FAM227B: variants seen among roughly 807,000 people sequenced by gnomAD.
FAM227B encodes protein FAM227B.
In FAM227B, 88 loss-of-function variants were observed where a neutral mutation model predicts 73.8. That is an observed-to-expected ratio of 1.19 (90% CI 1.00 to 1.42). FAM227B has a LOEUF of 1.42. Ranked by LOEUF, FAM227B falls within the 40% of genes most tolerant of loss-of-function variation. The pLI, the probability that FAM227B is intolerant of heterozygous loss-of-function variation, is 0.00. For missense variants in FAM227B, 632 were observed against 590.9 expected (o/e 1.07, Z -0.72); for synonymous variants, 210 against 190.5 (o/e 1.10, Z -0.84).
Position 49,495,702 on chromosome 15 carries a change from G to T in FAM227B, c.1012+12509C>A, listed in dbSNP as rs557084089. ...TTATTATCCCTGAGCATTGCTAATA[G>T]TGAAGAGGTAGCAAAATTAGAGGTG... On this transcript the variant is annotated intron_variant, in intron 11 of 15. Transcript: ENST00000299338. 5.8e-3 allele frequency among the ~76,000 whole-genome samples: 890 copies of T among 152,164 alleles called. 8 individuals are homozygous for T. Among genetic ancestry groups the T allele is most frequent in the Non-Finnish European group, 9.9e-3 (673 of 68,002 alleles).
At chr15:49,488,418 T>A (rs1454685651) in intron 11 of FAM227B, 2 of 151,952 alleles carry the variant, frequency 1.3e-5, no homozygotes, top group Admixed American at 6.6e-5. Context: ...TCTCTTGAGT[T>A]GAAAAACTTG....
At chr15:49,555,126 T>C (rs545107976) in intron 9 of FAM227B, among the ~76,000 whole-genome samples, 1 of 152,366 alleles carries the variant, frequency 6.6e-6, no homozygotes, top group African/African-American at 2.4e-5. Context: ...ATTGTGTTTT[T>C]AGCTGGTTAT....
At chr15:49,396,249 A>C (rs1002342378) in intron 11 of FAM227B, 1 of 379,644 alleles carries the variant, frequency 2.6e-6, no homozygotes, top group Non-Finnish European at 5.1e-6. Context: ...GGCACCTGGA[A>C]AATCGTGTCA....
chr15:49,382,042 A>C (rs2046569585), intron 11 of FAM227B, among the ~76,000 whole-genome samples: 1 of 152,128 alleles, frequency 6.6e-6, no homozygotes, highest in African/African-American at 2.4e-5. Context: ...AAAATTATGA[A>C]GGTATAAGTT....
intron 11 of FAM227B, chr15:49,483,215 C>T (rs751960683): frequency 1.1e-4 from 175 of 1,590,036 alleles, no homozygotes; most frequent in Non-Finnish European, 1.4e-4. Flanking sequence ...AAAGTGAATT[C>T]TATCTTGCAA....
intron 2 of FAM227B, 112 bp downstream of exon 2, chr15:49,615,009 C>T (rs1394570079): frequency 1.1e-6 from 1 of 935,660 alleles, no homozygotes; most frequent in African/African-American, 1.6e-5. Context: ...CTAGACCAAA[C>T]CCTTGGTGTT....
chr15:49,373,920 AAG>A (rs2045997695), intron 11 of FAM227B, among the ~76,000 whole-genome samples: 1 of 152,222 alleles, frequency 6.6e-6, no homozygotes, highest in African/African-American at 2.4e-5. Context: ...TACTCTCAGA[AAG>A]AGACTTTTAA....
intron 11 of FAM227B, among the ~76,000 whole-genome samples, chr15:49,416,772 GACACACACAC>G (rs5812484): frequency 6.0e-5 from 9 of 149,916 alleles, no homozygotes; most frequent in East Asian, 4.0e-4. Context: ...CACACACATA[GACACACACAC>G]ACACACACAC....
Position 49,328,445 on chromosome 15 carries a change from G to T in FAM227B, c.*123C>A. The T allele has an allele frequency of 6.9e-7, 1 of 1,459,608 alleles. No homozygotes were observed. The highest frequency in any genetic ancestry group is 2.4e-5 in the East Asian group (1 of 42,490). The allele number at this position is 1,459,608 out of a possible 1,614,324, so 90.4% of individuals were successfully genotyped here. A position where few individuals can be genotyped will look rare whatever the true frequency, so the allele number is the denominator to read the frequency against. On this transcript the variant is annotated 3_prime_UTR_variant, in exon 16 of 16. Transcript: ENST00000299338. ...TGATTTGAAGATTTTAAAGATGAAT[G>T]GTAAAACACACTCTTAATACTGATT...
At position 49,422,163 on chromosome 15, in the gene FAM227B, TGCGCGCGCGCGCGCGTGCACGC is replaced by T. The variant is rs1176798023; in HGVS notation, c.1013-50786_1013-50765del. ...GAGAGAGAGTGTGTGTGTGTGTGTGTGCGCGCGCGCGCGCGTGCACGCGTGTGTGTTTTGAGGAGTATATAAC... is the reference window on the plus strand; with the variant it reads ...GAGAGAGAGTGTGTGTGTGTGTGTGTGTGTGTGTTTTGAGGAGTATATAAC... On this transcript the variant is annotated intron_variant, in intron 11 of 15. Coordinates refer to ENST00000299338, the MANE Select transcript of FAM227B (RefSeq NM_152647.3). 8.7e-4 allele frequency among the ~76,000 whole-genome samples: 129 copies of T among 147,602 alleles called. 5 individuals carry two copies. In the South Asian group the frequency reaches 0.024, roughly 27 times the overall value.
intron 2 of FAM227B, 93 bp from the exon 3 acceptor site, chr15:49,611,361 T>A: frequency 1.5e-6 from 1 of 645,856 alleles, no homozygotes; most frequent in Non-Finnish European, 2.6e-6. Context: ...AATGATACTC[T>A]ATTTATCATT....
At chr15:49,481,522 T>G (rs1367878393) in intron 11 of FAM227B, among the ~76,000 whole-genome samples, 1 of 152,210 alleles carries the variant, frequency 6.6e-6, no homozygotes, top group East Asian at 1.9e-4. Context: ...GAACGTTACA[T>G]GAATGCATCA....
At chr15:49,349,973 T>C (rs1246523303) in intron 13 of FAM227B, among the ~76,000 whole-genome samples, 1 of 152,194 alleles carries the variant, frequency 6.6e-6, no homozygotes, top group East Asian at 1.9e-4. Context: ...TTAACTTTGT[T>C]GGTAACTTTG....
chr15:49,499,947 T>G (rs2058003576), intron 11 of FAM227B, among the ~76,000 whole-genome samples: 1 of 152,224 alleles, frequency 6.6e-6, no homozygotes, highest in African/African-American at 2.4e-5. Flanking sequence ...TTCACAAATA[T>G]TATTAAATAG....
At chr15:49,520,099 G>A (rs1265604880) in intron 10 of FAM227B, among the ~76,000 whole-genome samples, 1 of 152,096 alleles carries the variant, frequency 6.6e-6, no homozygotes, top group East Asian at 1.9e-4. Flanking sequence ...TCTAAGGTAG[G>A]GGGAAAATGC....
chr15:49,546,006 G>A (rs1388924677), intron 9 of FAM227B, among the ~76,000 whole-genome samples: 4 of 149,712 alleles, frequency 2.7e-5, no homozygotes, highest in Admixed American at 6.7e-5. Flanking sequence ...TGTGCACAAC[G>A]TGCAGGTTTG....
intron 10 of FAM227B, among the ~76,000 whole-genome samples, chr15:49,536,824 G>A (rs2070344832): frequency 6.6e-6 from 1 of 151,888 alleles, no homozygotes; most frequent in African/African-American, 2.4e-5. Context: ...GGAAAAGATA[G>A]TTTTTTCAAT....
chr15:49,495,542 G>A (rs2057524057), intron 11 of FAM227B, among the ~76,000 whole-genome samples: 1 of 151,972 alleles, frequency 6.6e-6, no homozygotes, highest in African/African-American at 2.4e-5. Context: ...CATATTTCTG[G>A]GGTTTCCTCA....
At chr15:49,497,479 T>C (rs2057726030) in intron 11 of FAM227B, among the ~76,000 whole-genome samples, 1 of 152,186 alleles carries the variant, frequency 6.6e-6, no homozygotes, top group African/African-American at 2.4e-5. Context: ...CGTCAATCCA[T>C]ACCCTGCTCT....
Sources: gnomAD v4.1 joint callset for allele counts (sites outside exome capture counted in the v4.1 genomes callset) on GRCh38, gnomAD v4.1.1 for gene constraint, MANE v1.5 for transcripts, NCBI Gene and HGNC (gene_info 2026-07-23, HGNC 2026-07-21) for gene names.